Variants in CHD3 observed in about 807,000 individuals in gnomAD.
The protein encoded by CHD3 is ATP-dependent chromatin remodeler CHD3.
In CHD3, 52 loss-of-function variants were observed where a neutral mutation model predicts 248.9. The observed-to-expected ratio is 0.21, with a 90% CI of 0.17 to 0.26. The LOEUF (loss-of-function observed/expected upper bound fraction) is 0.26, where lower values mean the gene tolerates loss of function less well. Ranked by LOEUF, CHD3 falls within the 10% of genes least tolerant of loss-of-function variation. The probability of loss-of-function intolerance (pLI) is 1.00; values close to 1 mark genes in which losing one functional copy is unlikely to be tolerated. For synonymous variants in CHD3, 985 were observed against 985.2 expected (o/e 1.00, Z 0.00); for missense variants, 1,482 against 2,605.8 (o/e 0.57, Z 9.39).
chr17:7,904,619 G>T lies in CHD3; in HGVS notation c.4072G>T (p.Asp1358Tyr). 1 of 1,612,488 alleles carries T rather than the reference G, an allele frequency of 6.2e-7. No homozygotes were observed. The highest frequency in any genetic ancestry group is 8.5e-7 in the Non-Finnish European group (1 of 1,178,690). ...NYNDAAQEDQ[D>Y]NQSEYSVGSE... The stretch of plus-strand genomic sequence containing the variant: ...CAATGATGCTGCTCAGGAAGACCAA[G>T]GTGAGGACTGCCCCAGATGCAGGCA... The change falls in exon 25 of 40, where the codon GAC (aspartate) becomes TAC (tyrosine). Residue 1358 changes from aspartate to tyrosine, a missense_variant and splice_region_variant. Coordinates refer to ENST00000330494, the MANE Select transcript of CHD3 (RefSeq NM_001005273.3). This position sits in a 1 kb window ranked among gnomAD's most constrained non-coding sequence, Gnocchi z 4.4.
upstream of CHD3, among the ~76,000 whole-genome samples, chr17:7,887,592 G>A (rs1010327722): frequency 3.3e-5 from 5 of 152,080 alleles, no homozygotes; most frequent in African/African-American, 1.2e-4. Context: ...ATGGTGGTGC[G>A]TTGTGGGGGA....
upstream of CHD3, chr17:7,885,049 A>ACCGCTGCCCCCGCCG: frequency 9.8e-7 from 1 of 1,019,404 alleles, no homozygotes; most frequent in Non-Finnish European, 1.2e-6. Context: ...CGCCGCCGCC[A>ACCGCTGCCCCCGCCG]CCGCTGCCCC....
At chr17:7,898,396 C>T (rs1453262568) in intron 12 of CHD3, 100 bp from the exon 13 acceptor site, 2 of 919,828 alleles carry the variant, frequency 2.2e-6, no homozygotes, top group East Asian at 4.9e-5. Flanking sequence ...ATGGGAAAAT[C>T]TAGGTCATGG....
At position 7,898,046 on chromosome 17, in the gene CHD3, A is replaced by T; in HGVS notation, c.1995A>T (p.Glu665Asp). The T allele has an allele frequency of 6.2e-7, 1 of 1,614,182 alleles. No individual in the cohort carries two copies. Among genetic ancestry groups the T allele is most frequent in the Non-Finnish European group, 8.5e-7 (1 of 1,179,976 alleles). The change falls in exon 12 of 40, where the codon GAA becomes GAT. Residue 665 changes from glutamate (E) to aspartate (D), a missense_variant. Glu to Asp is a conservative substitution (Grantham distance 45). Coordinates refer to ENST00000330494, the MANE Select transcript of CHD3 (RefSeq NM_001005273.3). ...DLPYDQSTWE[E>D]DEMNIPEYEE... ...CATATGACCAGTCCACGTGGGAGGA[A>T]GATGAAATGAATATCCCTGAATACG... is the stretch of plus-strand genomic sequence containing the variant.
At position 7,906,186 on chromosome 17, in the gene CHD3, A is replaced by G. The variant is rs1213786807; in HGVS notation, c.4358+197A>G. ...CTCCCCTCAGCCGAGCCTAGAGTAGAGGGGCCAGGCATCCTCCCCAGGGGA... is the reference window on the plus strand; with the variant it reads ...CTCCCCTCAGCCGAGCCTAGAGTAGGGGGGCCAGGCATCCTCCCCAGGGGA... On this transcript the variant is annotated intron_variant, in intron 28 of 39. Transcript: ENST00000330494. This position sits in a 1 kb window ranked among gnomAD's most constrained non-coding sequence, Gnocchi z 5.0. The G allele has an allele frequency of 3.4e-6, 3 of 879,736 alleles. No homozygotes were observed. Among genetic ancestry groups the G allele is most frequent in the Non-Finnish European group, 5.7e-6 (3 of 524,454 alleles). The allele number at this position is 879,736 out of a possible 1,614,324, so 54.5% of individuals were successfully genotyped here.
Position 7,908,671 on chromosome 17 carries a change from G to T in CHD3, c.5262-26G>T, listed in dbSNP as rs747601165. 6.2e-7 allele frequency: 1 copy of T among 1,613,442 alleles called. No homozygotes were observed. The highest frequency in any genetic ancestry group is 8.5e-7 in the Non-Finnish European group (1 of 1,179,570). On this transcript the variant is annotated intron_variant, in intron 35 of 39. Transcript: ENST00000330494. The surrounding 1 kb of genome is among the most constrained non-coding windows in gnomAD (Gnocchi z 5.8). The stretch of plus-strand genomic sequence containing the variant: ...CAAGCCCATTCCTGTTAAATTCCTT[G>T]ATGGTTCCTTTTCCTTCATTGGTAG...
rs1376187629 is a variant in CHD3, at chr17:7,907,866, G to A, written c.5027-28G>A. On this transcript the variant is annotated intron_variant, in intron 33 of 39. Coordinates refer to ENST00000330494, the MANE Select transcript of CHD3 (RefSeq NM_001005273.3). This position sits in a 1 kb window ranked among gnomAD's most constrained non-coding sequence, Gnocchi z 4.3. Reference sequence around the variant, plus strand: ...ACCTGGGAGGAGGGTGTCCTGAGGTGTGAGCTTTGACCTGTCTGTCCTAGC... The same window carrying A: ...ACCTGGGAGGAGGGTGTCCTGAGGTATGAGCTTTGACCTGTCTGTCCTAGC... The A allele has an allele frequency of 2.5e-6, 4 of 1,601,616 alleles. No individual in the cohort carries two copies. The highest frequency in any genetic ancestry group is 2.7e-5 in the African/African-American group (2 of 74,530).
At chr17:7,893,201 T>C in intron 4 of CHD3, 85 bp from the exon 5 acceptor site, 1 of 1,467,658 alleles carries the variant, frequency 6.8e-7, no homozygotes, top group Non-Finnish European at 9.0e-7. Flanking sequence ...TCCTAGCATG[T>C]ACATAGATTT....
In CHD3 at chr17:7,897,147, C is replaced by T; in HGVS notation, c.1772C>T (p.Pro591Leu). Residue 591 changes from proline to leucine, a missense_variant, in exon 11 of 40, where the codon CCA (proline) becomes CTA (leucine). Physicochemically the swap from Pro to Leu is moderately conservative, Grantham distance 98. Around this residue, in one of 20 missense-constraint regions of CHD3, gnomAD observed 127 missense variants for 188.3 expected, o/e 0.67. Transcript: ENST00000330494. This position sits in a 1 kb window ranked among gnomAD's most constrained non-coding sequence, Gnocchi z 4.8. ...YQRKNDMDEP[P>L]PLDYGSGEDD... is the part of the protein sequence containing the mutation. ...CGGAAGAATGACATGGATGAGCCCC[C>T]ACCCCTGGACTATGGCTCCGGCGAG... 1 of 1,614,184 alleles carries T rather than the reference C, an allele frequency of 6.2e-7. No homozygotes were observed. The highest frequency in any genetic ancestry group is 8.5e-7 in the Non-Finnish European group (1 of 1,180,022).
intron 5 of CHD3, 27 bp from the exon 6 acceptor site, chr17:7,893,778 C>T: frequency 7.5e-6 from 12 of 1,606,506 alleles, no homozygotes; most frequent in Non-Finnish European, 1.0e-5. Context: ...CTCCTTTTTC[C>T]TCTTCTCACC....
Position 7,908,612 on chromosome 17 carries a change from G to C in CHD3, c.5262-85G>C. 1 of 1,594,988 alleles carries C rather than the reference G, an allele frequency of 6.3e-7. No homozygotes were observed. The highest frequency in any genetic ancestry group is 8.6e-7 in the Non-Finnish European group (1 of 1,164,582). ...GGGACAGGGCTAGTGCCACACTTTGGGGAGTCAAGCCAAAAGGAAGAAGTG... is the reference window on the plus strand; with the variant it reads ...GGGACAGGGCTAGTGCCACACTTTGCGGAGTCAAGCCAAAAGGAAGAAGTG... On this transcript the variant is annotated intron_variant, in intron 35 of 39. Transcript: ENST00000330494. The surrounding 1 kb of genome is among the most constrained non-coding windows in gnomAD (Gnocchi z 5.8).
At position 7,895,747 on chromosome 17, in the gene CHD3, C is replaced by A. The variant is rs1437868700; in HGVS notation, c.1707+205C>A. Among the ~76,000 whole-genome samples, 1 of 152,220 alleles carries A rather than the reference C, an allele frequency of 6.6e-6. No homozygotes were observed. The highest frequency in any genetic ancestry group is 2.4e-5 in the African/African-American group (1 of 41,450). The stretch of plus-strand genomic sequence containing the variant: ...TCTCTCAGTCTCCGTTAGCTTCCTT[C>A]CCTCAGATATAGCATAGCCTTTCCT... On this transcript the variant is annotated intron_variant, in intron 10 of 39. Transcript: ENST00000330494. This position sits in a 1 kb window ranked among gnomAD's most constrained non-coding sequence, Gnocchi z 4.9.
chr17:7,894,871 C>T (rs775468708), intron 8 of CHD3, 46 bp from the exon 9 acceptor site: 1 of 1,602,968 alleles, frequency 6.2e-7, no homozygotes, highest in Admixed American at 1.7e-5. Context: ...CAGTTTCATT[C>T]CTTAATTTCT....
intron 13 of CHD3, 34 bp from the exon 14 acceptor site, chr17:7,898,977 T>C (rs755920474): frequency 6.3e-7 from 1 of 1,598,672 alleles, no homozygotes; most frequent in Admixed American, 1.7e-5. Context: ...CCGCCGACTA[T>C]TTCCTTGAGC....
chr17:7,894,337 T>C lies in CHD3; in HGVS notation c.1075+72T>C, dbSNP rs866085741. 26 of 1,590,810 alleles carry C rather than the reference T, an allele frequency of 1.6e-5. No individual in the cohort carries two copies. In the African/African-American group the frequency reaches 2.4e-4, roughly 15 times the overall value. On this transcript the variant is annotated intron_variant, in intron 7 of 39. Transcript: ENST00000330494. ...CATTCTTATTTTCAATTTTGACTTC[T>C]CTCTTCAACCCTTCTCCCTCTCTCT...
At position 7,910,999 on chromosome 17, in the gene CHD3, G is replaced by A. The variant is rs1971589971; in HGVS notation, c.5881+26G>A. ...GTCAGCTGGTGTTTTCCTACCCCCTGCTACTCACACTCCTCCTTTGCCAAA... is the reference window on the plus strand; with the variant it reads ...GTCAGCTGGTGTTTTCCTACCCCCTACTACTCACACTCCTCCTTTGCCAAA... On this transcript the variant is annotated intron_variant, in intron 39 of 39. Transcript: ENST00000330494. The surrounding 1 kb of genome is among the most constrained non-coding windows in gnomAD (Gnocchi z 4.7). 2 of 1,611,636 alleles carry A rather than the reference G, an allele frequency of 1.2e-6. No homozygotes were observed. The highest frequency in any genetic ancestry group is 1.3e-5 in the African/African-American group (1 of 74,720).
chr17:7,896,228 A>C (rs1478745121), intron 10 of CHD3, among the ~76,000 whole-genome samples: 7 of 98,820 alleles, frequency 7.1e-5, no homozygotes, highest in African/African-American at 3.9e-4. Flanking sequence ...ACTCTATCTC[A>C]AAAAAAAAAA....
rs773690122 is a variant in CHD3, at chr17:7,905,731, G to T, written c.4224+25G>T. The T allele has an allele frequency of 6.2e-7, 1 of 1,613,024 alleles. No homozygotes were observed. Among genetic ancestry groups the T allele is most frequent in the South Asian group, 1.1e-5 (1 of 90,976 alleles). On this transcript the variant is annotated intron_variant, in intron 27 of 39. Coordinates refer to ENST00000330494, the MANE Select transcript of CHD3 (RefSeq NM_001005273.3). This position sits in a 1 kb window ranked among gnomAD's most constrained non-coding sequence, Gnocchi z 5.8. ...GGTGAGAGCTGGGCCCAGTGTTCCT[G>T]AGTTCTCCAAGAGGGCATGAGGGCA... is the stretch of plus-strand genomic sequence containing the variant.
upstream of CHD3, among the ~76,000 whole-genome samples, chr17:7,887,348 T>G (rs567643418): frequency 1.3e-5 from 2 of 152,126 alleles, no homozygotes; most frequent in South Asian, 2.1e-4. Flanking sequence ...TTTAAAATAA[T>G]AGCAGTCGTG....
Sources: allele counts gnomAD v4.1 joint callset (sites outside exome capture counted in the v4.1 genomes callset), GRCh38; gene constraint gnomAD v4.1.1; regional missense constraint gnomAD v4.1.1; non-coding constraint Gnocchi (gnomAD v3.1); transcripts MANE v1.5; gene names NCBI Gene and HGNC (gene_info 2026-07-23, HGNC 2026-07-21).